ADAMTS3: variants seen among roughly 807,000 people sequenced by gnomAD.
ADAMTS3 encodes the protein ADAM metallopeptidase with thrombospondin type 1 motif 3.
ADAMTS3 carries 73 observed loss-of-function variants against 129.0 expected under a neutral mutation model. The observed-to-expected ratio is 0.57, with a 90% CI of 0.47 to 0.69. The LOEUF (loss-of-function observed/expected upper bound fraction) is 0.69, where lower values mean the gene tolerates loss of function less well. Among genes scored for constraint, ADAMTS3 ranks in the 30% least tolerant of loss-of-function variants. The probability of loss-of-function intolerance (pLI) is 0.00; values close to 1 mark genes in which losing one functional copy is unlikely to be tolerated. For missense variants in ADAMTS3, 1,457 were observed against 1,514.5 expected (o/e 0.96, Z 0.63); for synonymous variants, 477 against 510.8 (o/e 0.93, Z 0.89).
Position 72,356,018 on chromosome 4 carries a change from G to A in ADAMTS3, c.662-16325C>T, listed in dbSNP as rs150481802. On this transcript the variant is annotated intron_variant, in intron 4 of 21. Coordinates refer to ENST00000286657, the MANE Select transcript of ADAMTS3 (RefSeq NM_014243.3). Reference sequence around the variant, plus strand: ...AATACTTTTGTGATTAAAAAACTCCGGTAATTAATTACTAAGTCCATTAAA... The same window carrying A: ...AATACTTTTGTGATTAAAAAACTCCAGTAATTAATTACTAAGTCCATTAAA... 7.2e-4 allele frequency among the ~76,000 whole-genome samples: 110 copies of A among 151,844 alleles called. No individual in the cohort carries two copies. The East Asian group carries it at 0.013, about 18-fold the overall frequency.
chr4:72,297,389 ATTC>A (rs2109780111), intron 18 of ADAMTS3, among the ~76,000 whole-genome samples: 2 of 152,300 alleles, frequency 1.3e-5, no homozygotes, highest in African/African-American at 4.8e-5. Context: ...TAACTATTGT[ATTC>A]TTCCCTCAAG....
intron 3 of ADAMTS3, among the ~76,000 whole-genome samples, chr4:72,478,572 C>A (rs1335769184): frequency 6.8e-6 from 1 of 146,742 alleles, no homozygotes; most frequent in Non-Finnish European, 1.5e-5. Flanking sequence ...TATGACAAAC[C>A]CACAGCCAAT....
Position 72,398,793 on chromosome 4 carries a change from C to T in ADAMTS3, c.661+16022G>A, listed in dbSNP as rs183705185. On this transcript the variant is annotated intron_variant, in intron 4 of 21. Transcript: ENST00000286657. The stretch of plus-strand genomic sequence containing the variant: ...GTTCTACATCCTAAATCTGGAGGAC[C>T]CCACAAACTACCTCTTCTGTGCTAT... Among the ~76,000 whole-genome samples, 4 of 152,136 alleles carry T rather than the reference C, an allele frequency of 2.6e-5. No homozygotes were observed. In the East Asian group the frequency reaches 7.7e-4, roughly 29 times the overall value.
chr4:72,514,479 A>G (rs775758863), intron 3 of ADAMTS3, among the ~76,000 whole-genome samples: 5 of 152,192 alleles, frequency 3.3e-5, no homozygotes, highest in Non-Finnish European at 5.9e-5. Context: ...CAAGCTAAGA[A>G]TAGCTGGCTC....
At chr4:72,543,938 G>A (rs1175543030) in intron 3 of ADAMTS3, among the ~76,000 whole-genome samples, 1 of 151,964 alleles carries the variant, frequency 6.6e-6, no homozygotes, top group Non-Finnish European at 1.5e-5. Context: ...TCTAGATAGT[G>A]CATCTCAAAA....
intron 15 of ADAMTS3, among the ~76,000 whole-genome samples, chr4:72,308,779 G>A (rs906712687): frequency 4.6e-5 from 7 of 151,844 alleles, no homozygotes; most frequent in Admixed American, 3.9e-4. Flanking sequence ...TGAACCTTCA[G>A]TGTATGTCTA....
intron 5 of ADAMTS3, among the ~76,000 whole-genome samples, chr4:72,335,876 A>C (rs1039871835): frequency 6.6e-6 from 1 of 152,106 alleles, no homozygotes; most frequent in African/African-American, 2.4e-5. Flanking sequence ...TTCGTGATCT[A>C]CCTCTACATT....
rs1233625815 is a variant in ADAMTS3 at position 72,283,495 on chromosome 4, T to C, written c.3259A>G (p.Thr1087Ala). Residue 1087 changes from threonine (T) to alanine (A), a missense_variant, in exon 22 of 22, where the codon ACA (threonine) becomes GCA (alanine). Thr to Ala is a moderately conservative substitution (Grantham distance 58, BLOSUM62 0). Coordinates refer to ENST00000286657, the MANE Select transcript of ADAMTS3 (RefSeq NM_014243.3). ...SDLPRSLVMP[T>A]SLVPYHSETP... ...TCTGAATGATAAGGAACCAAAGATG[T>C]AGGCATCACTAGAGATCTAGGGAGG... 34 of 1,614,056 alleles carry C rather than the reference T, an allele frequency of 2.1e-5. No individual in the cohort carries two copies. The highest frequency in any genetic ancestry group is 1.6e-4 in the Middle Eastern group (1 of 6,062).
chr4:72,444,221 A>T (rs1718192354), intron 3 of ADAMTS3, among the ~76,000 whole-genome samples: 2 of 151,868 alleles, frequency 1.3e-5, no homozygotes, highest in South Asian at 4.1e-4. Context: ...AAAACAAATC[A>T]TAAAAGAATT....
chr4:72,393,992 A>G (rs1721664812), intron 4 of ADAMTS3, among the ~76,000 whole-genome samples: 1 of 152,362 alleles, frequency 6.6e-6, no homozygotes, highest in Admixed American at 6.5e-5. Flanking sequence ...TGTAAATACC[A>G]GCTCACTCTT....
Position 72,318,441 on chromosome 4 carries a change from C to A in ADAMTS3, c.1485+131G>T, listed in dbSNP as rs150953547. On this transcript the variant is annotated intron_variant, in intron 10 of 21. Transcript: ENST00000286657. ...TAAAGCATTTAGCTGTAGCACACAG[C>A]AACACAATGAACACAAAATAACTGC... is the stretch of plus-strand genomic sequence containing the variant. 1.3e-4 allele frequency: 122 copies of A among 934,398 alleles called. No individual in the cohort carries two copies. The African/African-American group carries it at 1.8e-3, about 14-fold the overall frequency. The allele number at this position is 934,398 out of a possible 1,614,324, so 57.9% of individuals were successfully genotyped here.
intron 3 of ADAMTS3, among the ~76,000 whole-genome samples, chr4:72,473,978 C>A (rs536721367): frequency 1.7e-4 from 26 of 152,312 alleles, no homozygotes; most frequent in African/African-American, 6.0e-4. Flanking sequence ...TAATGAGACA[C>A]TCCTGTCTTC....
chr4:72,327,678 T>C (rs367768687), intron 5 of ADAMTS3, among the ~76,000 whole-genome samples: 3 of 152,310 alleles, frequency 2.0e-5, no homozygotes, highest in East Asian at 3.9e-4. Context: ...CCCATTTTGC[T>C]GTAGTTCCAC....
chr4:72,532,278 G>T (rs1721064033), intron 3 of ADAMTS3, among the ~76,000 whole-genome samples: 1 of 151,992 alleles, frequency 6.6e-6, no homozygotes, highest in African/African-American at 2.4e-5. Flanking sequence ...AACCCTCCAG[G>T]AGATCCTGAT....
At chr4:72,352,974 G>A (rs1720484137) in intron 4 of ADAMTS3, among the ~76,000 whole-genome samples, 1 of 151,882 alleles carries the variant, frequency 6.6e-6, no homozygotes, top group African/African-American at 2.4e-5. Flanking sequence ...AGATTTCCTG[G>A]GGCAATTCTG....
chr4:72,550,441 T>A (rs994208149), intron 2 of ADAMTS3, among the ~76,000 whole-genome samples: 1 of 152,332 alleles, frequency 6.6e-6, no homozygotes. Flanking sequence ...TTTTAATTCT[T>A]TCTGTGCATG....
At chr4:72,431,011 AT>A (rs924583875) in intron 3 of ADAMTS3, among the ~76,000 whole-genome samples, 6 of 151,914 alleles carry the variant, frequency 3.9e-5, no homozygotes, top group South Asian at 2.1e-4. Context: ...AGATTTTAAG[AT>A]TTTTTTTGTT....
At chr4:72,286,115 C>T (rs1044411723) in intron 21 of ADAMTS3, among the ~76,000 whole-genome samples, 1 of 152,126 alleles carries the variant, frequency 6.6e-6, no homozygotes, top group African/African-American at 2.4e-5. Context: ...TTATTAGCTC[C>T]CTGGTTTTAT....
At chr4:72,307,172 A>C (rs1403733931) in intron 15 of ADAMTS3, among the ~76,000 whole-genome samples, 1 of 152,036 alleles carries the variant, frequency 6.6e-6, no homozygotes, top group African/African-American at 2.4e-5. Context: ...AATAATATAC[A>C]CCTATGAATA....
Sources: gnomAD v4.1 joint callset for allele counts (sites outside exome capture counted in the v4.1 genomes callset) on GRCh38, gnomAD v4.1.1 for gene constraint, MANE v1.5 for transcripts, NCBI Gene and HGNC (gene_info 2026-07-23, HGNC 2026-07-21) for gene names.